Variants in PLK4 observed in about 807,000 individuals in gnomAD.
PLK4 encodes the protein serine/threonine-protein kinase PLK4.
Under a neutral mutation model 103.0 loss-of-function variants are expected in PLK4, and 51 were observed. That is an observed-to-expected ratio of 0.50 (90% CI 0.40 to 0.63). The LOEUF (loss-of-function observed/expected upper bound fraction) is 0.63. Ranked by LOEUF, PLK4 falls within the 20% of genes least tolerant of loss-of-function variation. The pLI is 0.00. For missense variants in PLK4, 1,054 were observed against 1,151.0 expected (o/e 0.92, Z 1.22); for synonymous variants, 389 against 376.8 (o/e 1.03, Z -0.38).
chr4:127,894,393 A>AT (rs1165628640), intron 13 of PLK4, among the ~76,000 whole-genome samples: 1 of 150,740 alleles, frequency 6.6e-6, no homozygotes, highest in Non-Finnish European at 1.5e-5. Flanking sequence ...TGCCTGGCTA[A>AT]TTTTTTTTGT....
chr4:127,889,241 C>G (rs1429999152), intron 6 of PLK4, among the ~76,000 whole-genome samples: 1 of 152,018 alleles, frequency 6.6e-6, no homozygotes, highest in Non-Finnish European at 1.5e-5. Flanking sequence ...ATAATCTGAT[C>G]ATTTAAAGCC....
chr4:127,895,798 A>G (rs1470960353), intron 14 of PLK4, among the ~76,000 whole-genome samples: 1 of 152,140 alleles, frequency 6.6e-6, no homozygotes. Flanking sequence ...GTGTGATGTC[A>G]CGTGCCTATA....
rs1425908631 is a variant in PLK4, at chr4:127,898,647, A to G, written c.*106A>G. On this transcript the variant is annotated 3_prime_UTR_variant, in exon 16 of 16. Transcript: ENST00000270861. The stretch of plus-strand genomic sequence containing the variant: ...CATAAAGTCTTCAGAAAGCCTTTCT[A>G]TGAAAGAATTTTAACCTATAATGTA... 3 of 627,902 alleles carry G rather than the reference A, an allele frequency of 4.8e-6. No individual in the cohort carries two copies. The highest frequency in any genetic ancestry group is 8.4e-6 in the Non-Finnish European group (3 of 356,784). 38.9% of individuals were successfully genotyped at this position (627,902 alleles called of 1,614,324 possible).
rs2148818274 is a variant in PLK4, at chr4:127,886,570, CT to C, written c.1201del (p.Ser401GlnfsTer85). 13 of 1,614,116 alleles carry C rather than the reference CT, an allele frequency of 8.1e-6. No homozygotes were observed. The highest frequency in any genetic ancestry group is 1.1e-5 in the Non-Finnish European group (13 of 1,179,982). On this transcript the variant is annotated frameshift_variant, in exon 5 of 16. Coordinates refer to ENST00000270861, the MANE Select transcript of PLK4 (RefSeq NM_014264.5). LOFTEE classifies it high-confidence loss of function. ...AKTYTMERCH[S>X]AEMLSVSKRS... ...AAACATATACAATGGAACGATGTCA[CT>C]CAGCAGAAATGCTTTCAGTGTCCAA... is the stretch of plus-strand genomic sequence containing the variant.
intron 10 of PLK4, 162 bp from the exon 11 acceptor site, chr4:127,893,123 T>C (rs1271130126): frequency 8.4e-6 from 4 of 475,832 alleles, no homozygotes; most frequent in Non-Finnish European, 1.5e-5. Context: ...ATGATCCATA[T>C]TTATTGAATG....
At chr4:127,891,260 T>G (rs1735347833) in intron 8 of PLK4, 64 bp downstream of exon 8, 1 of 803,938 alleles carries the variant, frequency 1.2e-6, no homozygotes, top group East Asian at 2.6e-5. Context: ...TTTAGCATTC[T>G]AATTCATTTT....
intron 1 of PLK4, chr4:127,881,374 A>G: frequency 2.1e-6 from 3 of 1,431,040 alleles, no homozygotes; most frequent in Non-Finnish European, 2.7e-6. Context: ...GGGACAGGTG[A>G]GTCCCTCCCC....
chr4:127,884,630 C>A (rs1235032788), intron 4 of PLK4, among the ~76,000 whole-genome samples: 1 of 152,090 alleles, frequency 6.6e-6, no homozygotes, highest in African/African-American at 2.4e-5. Context: ...ATGGTAAAAC[C>A]CCATCTCTAC....
Position 127,893,613 on chromosome 4 carries a change from C to A in PLK4, c.2414+9C>A. The A allele has an allele frequency of 6.3e-7, 1 of 1,598,546 alleles. No homozygotes were observed. Among genetic ancestry groups the A allele is most frequent in the South Asian group, 1.1e-5 (1 of 88,532 alleles). ...CCAATAATCATAGGAAGGTAAATGT[C>A]TGAAAATTTTAAACATATGGCTAAA... On this transcript the variant is annotated intron_variant, in intron 12 of 15. Coordinates refer to ENST00000270861, the MANE Select transcript of PLK4 (RefSeq NM_014264.5).
intron 1 of PLK4, chr4:127,881,480 G>C: frequency 9.6e-7 from 1 of 1,039,760 alleles, no homozygotes; most frequent in East Asian, 3.0e-5. Context: ...ACTTCTCCAA[G>C]GGGATGGCGG....
chr4:127,889,732 G>A, intron 6 of PLK4, 134 bp from the exon 7 acceptor site: 1 of 621,922 alleles, frequency 1.6e-6, no homozygotes. Context: ...AAAATTATGA[G>A]CTCTTATTGT....
Position 127,881,128 on chromosome 4 carries a change from TG to T in PLK4, c.-5del. The T allele has an allele frequency of 6.2e-7, 1 of 1,613,810 alleles. No homozygotes were observed. Among genetic ancestry groups the T allele is most frequent in the African/African-American group, 1.3e-5 (1 of 74,992 alleles). ...AATCCGGAGAACCCAGGCCAGAGCC[TG>T]GAAATATGGCGACCTGCATCGGGGA... On this transcript the variant is annotated 5_prime_UTR_variant, in exon 1 of 16. Transcript: ENST00000270861.
intron 1 of PLK4, 115 bp from the exon 2 acceptor site, chr4:127,881,716 G>A (rs1734935984): frequency 1.4e-6 from 1 of 693,378 alleles, no homozygotes; most frequent in Non-Finnish European, 2.5e-6. Context: ...TGTAATACCC[G>A]CTTGAATTTT....
intron 4 of PLK4, 83 bp from the exon 5 acceptor site, chr4:127,885,625 G>T: frequency 9.3e-7 from 1 of 1,071,098 alleles, no homozygotes; most frequent in Non-Finnish European, 1.4e-6. Context: ...ATTTACCTGG[G>T]TTTCATAATG....
intron 15 of PLK4, among the ~76,000 whole-genome samples, chr4:127,897,824 CTTT>C (rs200741150): frequency 1.8e-3 from 51 of 28,738 alleles, no homozygotes; most frequent in South Asian, 4.4e-3. Flanking sequence ...AGAATTAGGG[CTTT>C]TTTTTTTTTT....
At chr4:127,896,945 G>A (rs987666478) in intron 15 of PLK4, 38 bp downstream of exon 15, 1 of 1,062,218 alleles carries the variant, frequency 9.4e-7, no homozygotes. Context: ...TCAGCCCTTT[G>A]CTATAATTTC....
At chr4:127,896,311 G>T (rs1735564112) in intron 14 of PLK4, among the ~76,000 whole-genome samples, 1 of 152,150 alleles carries the variant, frequency 6.6e-6, no homozygotes, top group Non-Finnish European at 1.5e-5. Flanking sequence ...CATTTTGAGT[G>T]ACACATTGTG....
Position 127,892,693 on chromosome 4 carries a change from C to T in PLK4, c.2188+179C>T, listed in dbSNP as rs1229436722. ...TCATATTAATCAAAATTTATCTAGC[C>T]TTCCTTTAAACAATTTATCCTATAA... On this transcript the variant is annotated intron_variant, in intron 10 of 15. Transcript: ENST00000270861. The T allele has an allele frequency of 1.2e-5, 6 of 497,720 alleles. No individual in the cohort carries two copies. The Admixed American group carries it at 2.4e-4, about 20-fold the overall frequency. The allele number at this position is 497,720 out of a possible 1,614,324, so 30.8% of individuals were successfully genotyped here.
At chr4:127,889,311 CTTAA>C (rs894534125) in intron 6 of PLK4, among the ~76,000 whole-genome samples, 48 of 152,086 alleles carry the variant, frequency 3.2e-4, no homozygotes, top group African/African-American at 1.1e-3. Flanking sequence ...AATTGGTAAA[CTTAA>C]TTACTTTTTT....
Sources: allele counts gnomAD v4.1 joint callset (sites outside exome capture counted in the v4.1 genomes callset), GRCh38; gene constraint gnomAD v4.1.1; transcripts MANE v1.5; gene names NCBI Gene and HGNC (gene_info 2026-07-23, HGNC 2026-07-21).